The following DIP2C variants were observed in gnomAD, a reference collection of about 807,000 sequenced individuals.
DIP2C encodes the protein disco-interacting protein 2 homolog C.
DIP2C carries 33 observed loss-of-function variants against 192.4 expected under a neutral mutation model. That is an observed-to-expected ratio of 0.17 (90% CI 0.13 to 0.23). The LOEUF (loss-of-function observed/expected upper bound fraction) is 0.23. DIP2C is among the 10% of genes least tolerant of loss of function. The pLI is 1.00. For synonymous variants in DIP2C, 979 were observed against 864.1 expected, an observed-to-expected ratio of 1.13 and a Z score of -2.33; for missense variants, 1,537 against 2,110.1, an observed-to-expected ratio of 0.73 and a Z score of 5.32.
chr10:480,771 G>A (rs543538651), intron 2 of DIP2C, among the ~76,000 whole-genome samples: 1 of 152,224 alleles, frequency 6.6e-6, no homozygotes, highest in African/African-American at 2.4e-5. Flanking sequence ...AGCTCCCTGT[G>A]GCAGAACACG....
chr10:496,425 G>A (rs776451464), intron 1 of DIP2C, among the ~76,000 whole-genome samples: 3 of 148,692 alleles, frequency 2.0e-5, no homozygotes, highest in Non-Finnish European at 4.4e-5. Context: ...GCCCTCCCGT[G>A]TACTTAAAAT....
At chr10:577,320 G>A (rs1351700918) in intron 1 of DIP2C, among the ~76,000 whole-genome samples, 1 of 152,194 alleles carries the variant, frequency 6.6e-6, no homozygotes, top group Non-Finnish European at 1.5e-5. Context: ...TTTAGAGGAA[G>A]AAGAAGTATC....
At position 310,232 on chromosome 10, in the gene DIP2C, T is replaced by C. The variant is rs780610364; in HGVS notation, c.3925-140A>G. The C allele has an allele frequency of 8.9e-4, 641 of 718,190 alleles. 6 individuals carry two copies. Among genetic ancestry groups the C allele is most frequent in the Admixed American group, 6.7e-4 (25 of 37,428 alleles). 44.5% of individuals were successfully genotyped at this position (718,190 alleles called of 1,614,324 possible). On this transcript the variant is annotated intron_variant, in intron 31 of 36. Transcript: ENST00000280886. ...TAAAAACACTTAGACCAGCAACCTC[T>C]CAAGGCACCTGCTAACTTTCAGTGT...
chr10:359,762 T>TAA (rs1372739861), intron 22 of DIP2C, among the ~76,000 whole-genome samples: 3 of 152,206 alleles, frequency 2.0e-5, no homozygotes, highest in Non-Finnish European at 2.9e-5. Flanking sequence ...CTCTACCAGA[T>TAA]AGAAGCGTCT....
intron 1 of DIP2C, among the ~76,000 whole-genome samples, chr10:536,490 C>A (rs1847703749): frequency 6.6e-6 from 1 of 152,128 alleles, no homozygotes; most frequent in Non-Finnish European, 1.5e-5. Context: ...CCCATAGGGA[C>A]ATCACAGTCC....
intron 1 of DIP2C, among the ~76,000 whole-genome samples, chr10:596,657 C>T (rs1032637750): frequency 1.3e-5 from 2 of 152,140 alleles, no homozygotes; most frequent in African/African-American, 4.8e-5. Flanking sequence ...CAGAAGGCTG[C>T]ACCCCAAGGA....
chr10:398,635 G>A (rs1201322561), intron 10 of DIP2C, among the ~76,000 whole-genome samples: 3 of 152,070 alleles, frequency 2.0e-5, no homozygotes, highest in Admixed American at 2.0e-4. Context: ...CTTTTTGATT[G>A]ACAACGCACA....
intron 3 of DIP2C, among the ~76,000 whole-genome samples, chr10:463,295 G>A (rs534403649): frequency 6.6e-6 from 1 of 152,270 alleles, no homozygotes; most frequent in African/African-American, 2.4e-5. Context: ...AGCAACTTCA[G>A]CAAAGTCTCA....
rs1040211509 is a variant in DIP2C, at chr10:483,635, C to T, written c.157+2824G>A. On this transcript the variant is annotated intron_variant, in intron 2 of 36. Transcript: ENST00000280886. The stretch of plus-strand genomic sequence containing the variant: ...CCTCGTGGCTAAAACCCAGCCCTGT[C>T]GCCTTCTCATCAGCTCTGCCCCTTG... Among the ~76,000 whole-genome samples, 2 of 152,174 alleles carry T rather than the reference C, an allele frequency of 1.3e-5. 1 individual carries two copies. Among genetic ancestry groups the T allele is most frequent in the South Asian group, 4.1e-4 (2 of 4,834 alleles).
chr10:641,212 G>T (rs1390397046), intron 1 of DIP2C, among the ~76,000 whole-genome samples: 1 of 152,102 alleles, frequency 6.6e-6, no homozygotes, highest in African/African-American at 2.4e-5. Context: ...TCATAGTGGG[G>T]ACGCTCTCCG....
intron 32 of DIP2C, among the ~76,000 whole-genome samples, chr10:302,377 T>G (rs2132272046): frequency 6.6e-6 from 1 of 152,296 alleles, no homozygotes; most frequent in African/African-American, 2.4e-5. Flanking sequence ...GGTCCTGAGC[T>G]TAATCCAAGC....
chr10:342,008 G>T (rs1958172560), intron 28 of DIP2C, among the ~76,000 whole-genome samples: 1 of 152,216 alleles, frequency 6.6e-6, no homozygotes, highest in African/African-American at 2.4e-5. Context: ...TGGGGAATGT[G>T]AGTGGCTGAT....
At chr10:643,226 A>ACAAAAAC (rs1278466296) in intron 1 of DIP2C, among the ~76,000 whole-genome samples, 1 of 150,300 alleles carries the variant, frequency 6.7e-6, no homozygotes, top group Non-Finnish European at 1.5e-5. Flanking sequence ...TCAAAAAAAA[A>ACAAAAAC]AAAACAGGCC....
At chr10:527,129 G>A (rs1003506152) in intron 1 of DIP2C, among the ~76,000 whole-genome samples, 5 of 152,110 alleles carry the variant, frequency 3.3e-5, no homozygotes, top group South Asian at 2.1e-4. Flanking sequence ...ATTCTCCGAC[G>A]CCTGCACAGC....
chr10:668,192 TCACAA>T (rs1857225959), intron 1 of DIP2C: 2 of 148,686 alleles, frequency 1.3e-5, no homozygotes, highest in South Asian at 2.1e-4. Context: ...TACATGCAAC[TCACAA>T]CACAACATAC....
intron 1 of DIP2C, among the ~76,000 whole-genome samples, chr10:677,508 T>A (rs1297931486): frequency 2.0e-5 from 3 of 152,200 alleles, no homozygotes; most frequent in Non-Finnish European, 2.9e-5. Flanking sequence ...AGCCTGATAA[T>A]GTTCACTTAA....
chr10:609,326 G>A (rs1588594253), intron 1 of DIP2C, among the ~76,000 whole-genome samples: 1 of 152,138 alleles, frequency 6.6e-6, no homozygotes, highest in African/African-American at 2.4e-5. Context: ...CTGTTCCCTG[G>A]CTGTCAGAAA....
chr10:311,604 A>G, intron 31 of DIP2C: 1 of 1,232,092 alleles, frequency 8.1e-7, no homozygotes, highest in Non-Finnish European at 1.0e-6. Flanking sequence ...AAGAGAGGAG[A>G]GAACACCAGA....
At chr10:364,138 T>C (rs1959888733) in intron 20 of DIP2C, among the ~76,000 whole-genome samples, 1 of 152,198 alleles carries the variant, frequency 6.6e-6, no homozygotes, top group Non-Finnish European at 1.5e-5. Flanking sequence ...CTATTATACT[T>C]AGAGGGGAAG....
Sources: gnomAD v4.1 joint callset for allele counts (sites outside exome capture counted in the v4.1 genomes callset) on GRCh38, gnomAD v4.1.1 for gene constraint, MANE v1.5 for transcripts, NCBI Gene and HGNC (gene_info 2026-07-23, HGNC 2026-07-21) for gene names.